BID: variants seen among roughly 807,000 people sequenced by gnomAD.
BID encodes BH3-interacting domain death agonist.
Under a neutral mutation model 17.4 loss-of-function variants are expected in BID, and 19 were observed. The ratio of observed to expected loss-of-function variants is 1.09; its 90% CI spans 0.76 to 1.60. BID has a LOEUF of 1.60. Ranked by LOEUF, BID falls within the 40% of genes most tolerant of loss-of-function variation. The probability of loss-of-function intolerance (pLI) is 0.00; values close to 1 mark genes in which losing one functional copy is unlikely to be tolerated. For synonymous variants in BID, 108 were observed against 102.8 expected (o/e 1.05, Z -0.31); for missense variants, 226 against 256.0 (o/e 0.88, Z 0.80).
At position 17,751,122 on chromosome 22, in the gene BID, C is replaced by T. The variant is rs372106156; in HGVS notation, c.-58-948G>A. On this transcript the variant is annotated intron_variant, in intron 1 of 5. Transcript: ENST00000622694. Reference sequence around the variant, plus strand: ...GCGCGGTGGCTCACGCCTGTAATCCCAGCACTTTGGGAGGCCGAGGCGGGT... The same window carrying T: ...GCGCGGTGGCTCACGCCTGTAATCCTAGCACTTTGGGAGGCCGAGGCGGGT... Among the ~76,000 whole-genome samples, 33 of 152,082 alleles carry T rather than the reference C, an allele frequency of 2.2e-4. 1 individual carries two copies. In the East Asian group the frequency reaches 6.2e-3, roughly 29 times the overall value.
intron 1 of BID, among the ~76,000 whole-genome samples, chr22:17,756,144 G>C (rs1242440482): frequency 6.6e-6 from 1 of 152,236 alleles, no homozygotes; most frequent in African/African-American, 2.4e-5. Flanking sequence ...TGGGATTACA[G>C]GCGTGAGCCA....
chr22:17,770,721 C>T (rs1452059548), intron 1 of BID, among the ~76,000 whole-genome samples: 1 of 152,264 alleles, frequency 6.6e-6, no homozygotes, highest in African/African-American at 2.4e-5. Context: ...CAAGCCCAGC[C>T]TGTCCCACCA....
At chr22:17,760,145 A>T (rs1357537590) in intron 1 of BID, among the ~76,000 whole-genome samples, 1 of 147,300 alleles carries the variant, frequency 6.8e-6, no homozygotes, top group Non-Finnish European at 1.5e-5. Context: ...AAAAAAAAAA[A>T]AAAAAAAGTT....
chr22:17,768,517 C>T (rs953607011), intron 1 of BID, among the ~76,000 whole-genome samples: 1 of 152,152 alleles, frequency 6.6e-6, no homozygotes, highest in Non-Finnish European at 1.5e-5. Context: ...TCCAGAATCC[C>T]TGGTGAGCCT....
chr22:17,745,046 TTTTTTG>T (rs1156516921), intron 2 of BID, among the ~76,000 whole-genome samples: 1 of 152,094 alleles, frequency 6.6e-6, no homozygotes, highest in Non-Finnish European at 1.5e-5. Flanking sequence ...GGCAAATTGT[TTTTTTG>T]TTTTTGTTTT....
At chr22:17,751,612 C>G (rs190604141) in intron 1 of BID, among the ~76,000 whole-genome samples, 1 of 152,204 alleles carries the variant, frequency 6.6e-6, no homozygotes, top group Non-Finnish European at 1.5e-5. Flanking sequence ...AAAGCCTGTG[C>G]CCAGGCAGAG....
chr22:17,740,187 G>T (rs749793279), intron 3 of BID: 7 of 1,610,116 alleles, frequency 4.3e-6, no homozygotes, highest in Non-Finnish European at 5.9e-6. Context: ...CTGCCAGAAG[G>T]TAAGCTCCCT....
At chr22:17,765,736 G>A (rs139550902) in intron 1 of BID, among the ~76,000 whole-genome samples, 96 of 152,296 alleles carry the variant, frequency 6.3e-4, no homozygotes, top group African/African-American at 2.0e-3. Flanking sequence ...ACCTAATGAC[G>A]AGTTAATGGG....
chr22:17,739,894 C>T (rs2061446718), intron 3 of BID: 1 of 665,478 alleles, frequency 1.5e-6, no homozygotes, highest in Non-Finnish European at 2.6e-6. Context: ...GCATCCCAGA[C>T]CCACTTTTGC....
chr22:17,759,224 C>T (rs1244074028), intron 1 of BID, among the ~76,000 whole-genome samples: 3 of 53,798 alleles, frequency 5.6e-5, no homozygotes, highest in East Asian at 3.0e-4. Flanking sequence ...AAAAAGACTC[C>T]GTCTCAAAAC....
chr22:17,773,615 C>T lies in BID; in HGVS notation c.-59+766G>A, dbSNP rs150835617. On this transcript the variant is annotated intron_variant, in intron 1 of 5. Transcript: ENST00000622694. This position sits in a 1 kb window ranked among gnomAD's most constrained non-coding sequence, Gnocchi z 4.4. Reference sequence around the variant, plus strand: ...CCAGCCCCCAGCCCACTTACAGAATCCGCACTGTGCTCCTCCAGCCGGCCC... The same window carrying T: ...CCAGCCCCCAGCCCACTTACAGAATTCGCACTGTGCTCCTCCAGCCGGCCC... The T allele has an allele frequency of 1.2e-4, 201 of 1,612,690 alleles. No individual in the cohort carries two copies. The African/African-American group carries it at 2.3e-3, about 18-fold the overall frequency.
intron 1 of BID, among the ~76,000 whole-genome samples, chr22:17,765,311 T>C (rs2061670404): frequency 6.6e-6 from 1 of 152,146 alleles, no homozygotes; most frequent in Non-Finnish European, 1.5e-5. Flanking sequence ...ACTGAGGCAT[T>C]GAAAGAAGTG....
At position 17,769,927 on chromosome 22, in the gene BID, T is replaced by C. The variant is rs553782925; in HGVS notation, c.-59+4454A>G. ...ACTTGCCCGCTGGCCTCCGGTGCCC[T>C]CAGGCCTAGCCTCATTGTCACAGGA... On this transcript the variant is annotated intron_variant, in intron 1 of 5. Transcript: ENST00000622694. This position sits in a 1 kb window ranked among gnomAD's most constrained non-coding sequence, Gnocchi z 4.8. Among the ~76,000 whole-genome samples, 1 of 152,222 alleles carries C rather than the reference T, an allele frequency of 6.6e-6. No individual in the cohort carries two copies. The highest frequency in any genetic ancestry group is 6.5e-5 in the Admixed American group (1 of 15,302).
At chr22:17,750,852 C>A (rs1170355689) in intron 1 of BID, among the ~76,000 whole-genome samples, 2 of 151,860 alleles carry the variant, frequency 1.3e-5, no homozygotes, top group Non-Finnish European at 2.9e-5. Context: ...GTCTGGCCAA[C>A]ATGGTGAAAC....
chr22:17,767,188 C>A (rs1210485110), intron 1 of BID, among the ~76,000 whole-genome samples: 1 of 149,682 alleles, frequency 6.7e-6, no homozygotes, highest in Non-Finnish European at 1.5e-5. Flanking sequence ...CGCGCCACTG[C>A]ACTCTAGCCT....
At position 17,739,342 on chromosome 22, in the gene BID, C is replaced by T; in HGVS notation, c.363+7G>A. ...CCCGCCCACGCGGTCCTCAGGCCCT[C>T]ACTCACCTCCTCCGACCGGCTGGTG... On this transcript the variant is annotated splice_region_variant and intron_variant, in intron 4 of 5. Transcript: ENST00000622694. The T allele has an allele frequency of 6.3e-7, 1 of 1,581,910 alleles. No individual in the cohort carries two copies. The highest frequency in any genetic ancestry group is 8.6e-7 in the Non-Finnish European group (1 of 1,166,726).
At chr22:17,768,689 C>T (rs1405986322) in intron 1 of BID, among the ~76,000 whole-genome samples, 3 of 152,106 alleles carry the variant, frequency 2.0e-5, no homozygotes, top group African/African-American at 4.8e-5. Context: ...CTGGCTAACA[C>T]GGTGAAACCC....
chr22:17,742,473 C>T (rs933198530), intron 3 of BID, among the ~76,000 whole-genome samples: 5 of 84,686 alleles, frequency 5.9e-5, no homozygotes, highest in African/African-American at 1.6e-4. Context: ...AGACACCTCC[C>T]CCCACCCCCC....
intron 5 of BID, 107 bp from the exon 6 acceptor site, chr22:17,735,698 T>C (rs181382): frequency 0.83 from 1,155,328 of 1,384,622 alleles, 483,427 homozygotes; most frequent in East Asian, 0.95. Flanking sequence ...TGCAAAAACA[T>C]GTTCTCCAGA....
Sources: gnomAD v4.1 joint callset for allele counts (sites outside exome capture counted in the v4.1 genomes callset) on GRCh38, gnomAD v4.1.1 for gene constraint, Gnocchi (gnomAD v3.1) non-coding constraint, MANE v1.5 for transcripts, NCBI Gene and HGNC (gene_info 2026-07-23, HGNC 2026-07-21) for gene names.